NPAT: variants seen among roughly 807,000 people sequenced by gnomAD.
NPAT encodes the protein protein NPAT.
NPAT carries 52 observed loss-of-function variants against 130.7 expected under a neutral mutation model. That is an observed-to-expected ratio of 0.40 (90% CI 0.32 to 0.50). NPAT has a LOEUF of 0.50. Ranked by LOEUF, NPAT falls within the 20% of genes least tolerant of loss-of-function variation. The pLI is 0.68. For missense variants in NPAT, 1,687 were observed against 1,662.6 expected (o/e 1.01, Z -0.26); for synonymous variants, 580 against 584.8 (o/e 0.99, Z 0.12).
intron 1 of NPAT, 94 bp from the exon 2 acceptor site, chr11:108,197,514 C>T (rs2078234653): frequency 2.4e-6 from 2 of 830,704 alleles, no homozygotes; most frequent in African/African-American, 1.7e-5. Flanking sequence ...ACTGATGTCA[C>T]AATTGAAACC....
chr11:108,194,767 A>C (rs2078204047), intron 2 of NPAT, among the ~76,000 whole-genome samples: 1 of 151,620 alleles, frequency 6.6e-6, no homozygotes, highest in Non-Finnish European at 1.5e-5. Flanking sequence ...TTCCTACCTC[A>C]GCCTCCCACA....
rs541981829 is a variant in NPAT, at chr11:108,168,911, G to A, written c.3010+833C>T. 6.6e-5 allele frequency among the ~76,000 whole-genome samples: 10 copies of A among 152,262 alleles called. No homozygotes were observed. In the South Asian group the frequency reaches 2.1e-3, roughly 32 times the overall value. ...GGTCGAGAGTGACTAGATGACAAAT[G>A]TATGCACATATGTCACCCTGAGAAA... On this transcript the variant is annotated intron_variant, in intron 15 of 17. Transcript: ENST00000278612.
At chr11:108,168,761 T>C (rs773089820) in intron 15 of NPAT, among the ~76,000 whole-genome samples, 5 of 152,132 alleles carry the variant, frequency 3.3e-5, no homozygotes, top group Non-Finnish European at 5.9e-5. Context: ...GGGGGAATTC[T>C]AGGTAGAAGA....
intron 17 of NPAT, among the ~76,000 whole-genome samples, chr11:108,159,561 A>G (rs1332482269): frequency 1.3e-5 from 2 of 152,170 alleles, no homozygotes; most frequent in African/African-American, 4.8e-5. Context: ...AACAAAGCCT[A>G]AATTATTTCC....
chr11:108,163,531 G>A lies in NPAT; in HGVS notation c.3011-1351C>T, dbSNP rs185739813. ...ATATTCCAGGTAAGAGATGATGAGG[G>A]TCTGAGAGACAATAATGGGCATGTA... On this transcript the variant is annotated intron_variant, in intron 15 of 17. Coordinates refer to ENST00000278612, the MANE Select transcript of NPAT (RefSeq NM_002519.3). Among the ~76,000 whole-genome samples the A allele has an allele frequency of 7.2e-4, 109 of 152,284 alleles. 1 individual carries two copies. The highest frequency in any genetic ancestry group is 2.5e-3 in the African/African-American group (103 of 41,552).
intron 15 of NPAT, among the ~76,000 whole-genome samples, chr11:108,164,034 A>G (rs1270054847): frequency 6.6e-6 from 1 of 152,204 alleles, no homozygotes; most frequent in African/African-American, 2.4e-5. Flanking sequence ...AGAAAGAATG[A>G]AGGACAGTTA....
rs371092228 is a variant in NPAT, at chr11:108,216,140, T to C, written c.37+6360A>G. Among the ~76,000 whole-genome samples, 69 of 152,324 alleles carry C rather than the reference T, an allele frequency of 4.5e-4. 1 individual carries two copies. Among genetic ancestry groups the C allele is most frequent in the African/African-American group, 1.5e-3 (63 of 41,572 alleles). On this transcript the variant is annotated intron_variant, in intron 1 of 17. Coordinates refer to ENST00000278612, the MANE Select transcript of NPAT (RefSeq NM_002519.3). ...CTTAAAATTAGGACAGTTGGAGCTTTTTCCTCATATGCTTCAAGATTTAGA... is the reference window on the plus strand; with the variant it reads ...CTTAAAATTAGGACAGTTGGAGCTTCTTCCTCATATGCTTCAAGATTTAGA...
chr11:108,170,217 GA>G, intron 13 of NPAT, 174 bp from the exon 14 acceptor site: 1 of 589,086 alleles, frequency 1.7e-6, no homozygotes, highest in South Asian at 1.9e-5. Flanking sequence ...AAACGAAACT[GA>G]AACAGTTTTA....
Position 108,172,983 on chromosome 11 carries a change from T to G in NPAT, c.2001A>C (p.Lys667Asn), listed in dbSNP as rs371874908. The change falls in exon 13 of 18, where the codon AAA (lysine) becomes AAC (asparagine). Residue 667 changes from lysine to asparagine, a missense_variant. This residue lies in a region of NPAT where 1,379 missense variants were observed against 1,346.6 expected (regional missense o/e 1.02). Coordinates refer to ENST00000278612, the MANE Select transcript of NPAT (RefSeq NM_002519.3). ...ENSQEPSSSV[K>N]EENTIFLSLG... ...AAGAGAGAAAAATAGTATTCTCTTC[T>G]TTTACAGAAGATGAAGGCTCCTGTG... 10 of 1,614,128 alleles carry G rather than the reference T, an allele frequency of 6.2e-6. No homozygotes were observed. The highest frequency in any genetic ancestry group is 8.5e-6 in the Non-Finnish European group (10 of 1,180,036).
intron 5 of NPAT, 39 bp from the exon 6 acceptor site, chr11:108,189,369 A>T: frequency 6.3e-7 from 1 of 1,592,046 alleles, no homozygotes; most frequent in South Asian, 1.1e-5. Context: ...ATTCAACGTC[A>T]GGGTAGTTTG....
intron 1 of NPAT, among the ~76,000 whole-genome samples, chr11:108,204,630 C>T (rs557936823): frequency 2.3e-4 from 35 of 152,326 alleles, no homozygotes; most frequent in African/African-American, 7.7e-4. Flanking sequence ...CTGCCAGGAG[C>T]GGACAGCCGC....
At chr11:108,166,422 T>G (rs1241629718) in intron 15 of NPAT, among the ~76,000 whole-genome samples, 3 of 152,080 alleles carry the variant, frequency 2.0e-5, no homozygotes, top group Non-Finnish European at 4.4e-5. Context: ...ATAAATCCTT[T>G]ATCCTAATGT....
intron 1 of NPAT, among the ~76,000 whole-genome samples, chr11:108,199,237 G>C (rs1483149278): frequency 6.6e-6 from 1 of 152,204 alleles, no homozygotes; most frequent in Non-Finnish European, 1.5e-5. Flanking sequence ...TTTGGGCGCT[G>C]CTGTGTCACC....
Position 108,176,392 on chromosome 11 carries a change from T to C in NPAT, c.1004-18A>G, listed in dbSNP as rs76395038. On this transcript the variant is annotated intron_variant, in intron 11 of 17. Coordinates refer to ENST00000278612, the MANE Select transcript of NPAT (RefSeq NM_002519.3). The stretch of plus-strand genomic sequence containing the variant: ...TGTTTTGCCTGTTAAAAAGGGAATA[T>C]GGAAATAATTAAATGACCAAAACAA... 0.038 allele frequency: 56,539 copies of C among 1,485,622 alleles called. 1,330 individuals are homozygous for C. Among genetic ancestry groups the C allele is most frequent in the Non-Finnish European group, 0.047 (50,231 of 1,065,354 alleles). The allele number at this position is 1,485,622 out of a possible 1,614,324, so 92.0% of individuals were successfully genotyped here.
chr11:108,175,427 G>A (rs2077996198), intron 12 of NPAT, among the ~76,000 whole-genome samples: 1 of 152,128 alleles, frequency 6.6e-6, no homozygotes, highest in Non-Finnish European at 1.5e-5. Flanking sequence ...AATCCTTATT[G>A]TGGGGAAAAC....
chr11:108,160,108 C>G (rs937020638), intron 17 of NPAT, among the ~76,000 whole-genome samples: 2 of 151,252 alleles, frequency 1.3e-5, no homozygotes, highest in Non-Finnish European at 2.9e-5. Flanking sequence ...CAAGATCACG[C>G]CACCGTACTC....
In NPAT at chr11:108,169,976, T is replaced by A. The variant is rs2134831122; in HGVS notation, c.2853A>T (p.Val951=). The A allele has an allele frequency of 6.2e-7, 1 of 1,614,002 alleles. No individual in the cohort carries two copies. Among genetic ancestry groups the A allele is most frequent in the East Asian group, 2.2e-5 (1 of 44,864 alleles). ...VLQGMVGMIP[V]SVVGQNGNNF... ...TATTTCCATTCTGTCCAACCACAGA[T>A]ACTGGGATCATCCCTACCATTCCTT... Residue 951 remains valine (V), a synonymous_variant, in exon 14 of 18, where the codon GTA becomes GTT. Coordinates refer to ENST00000278612, the MANE Select transcript of NPAT (RefSeq NM_002519.3).
At chr11:108,181,462 C>A (rs1208124861) in intron 10 of NPAT, among the ~76,000 whole-genome samples, 1 of 108,548 alleles carries the variant, frequency 9.2e-6, no homozygotes, top group African/African-American at 2.7e-5. Context: ...GAGACTCTGT[C>A]TCAAAAAAAA....
In NPAT at chr11:108,161,581, T is replaced by C. The variant is rs756738570; in HGVS notation, c.3505A>G (p.Asn1169Asp). Residue 1169 changes from asparagine to aspartate, a missense_variant, in exon 17 of 18, where the codon AAT becomes GAT. Physicochemically the swap from Asn to Asp is conservative, Grantham distance 23. Coordinates refer to ENST00000278612, the MANE Select transcript of NPAT (RefSeq NM_002519.3). ...SFHKATANKE[N>D]ELCSDVERQK... ...CTTTCTACATCGCTGCATAATTCATTCTCCTTATTAGCTGTTGCTTTATGG... is the reference window on the plus strand; with the variant it reads ...CTTTCTACATCGCTGCATAATTCATCCTCCTTATTAGCTGTTGCTTTATGG... The C allele has an allele frequency of 3.7e-6, 6 of 1,614,226 alleles. No homozygotes were observed. The South Asian group carries it at 6.6e-5, about 18-fold the overall frequency.
Sources: allele counts gnomAD v4.1 joint callset (sites outside exome capture counted in the v4.1 genomes callset), GRCh38; gene constraint gnomAD v4.1.1; regional missense constraint gnomAD v4.1.1; transcripts MANE v1.5; gene names NCBI Gene and HGNC (gene_info 2026-07-23, HGNC 2026-07-21).